Variants in OSBPL10 observed in about 807,000 individuals in gnomAD.
OSBPL10 encodes oxysterol binding protein like 10.
A neutral mutation model predicts 81.7 loss-of-function variants in OSBPL10; 49 were observed. That is an observed-to-expected ratio of 0.60 (90% CI 0.48 to 0.76). The LOEUF is 0.76. OSBPL10 is among the 30% of genes least tolerant of loss of function. The pLI is 0.00. For missense variants in OSBPL10, 923 were observed against 987.8 expected, an observed-to-expected ratio of 0.93 and a Z score of 0.88; for synonymous variants, 419 against 383.6, an observed-to-expected ratio of 1.09 and a Z score of -1.08.
intron 4 of OSBPL10, among the ~76,000 whole-genome samples, chr3:31,760,854 T>C (rs1698013172): frequency 1.3e-5 from 2 of 152,186 alleles, no homozygotes; most frequent in Non-Finnish European, 2.9e-5. Context: ...AACATTACGA[T>C]GATGTTTAAC....
chr3:31,793,892 A>C (rs1452261195), intron 4 of OSBPL10, among the ~76,000 whole-genome samples: 1 of 152,238 alleles, frequency 6.6e-6, no homozygotes, highest in Non-Finnish European at 1.5e-5. Flanking sequence ...AACAAATGAC[A>C]ATTAAAATAC....
At chr3:31,710,760 C>T in intron 6 of OSBPL10, 1 of 152,374 alleles carries the variant, frequency 6.6e-6, no homozygotes, top group Non-Finnish European at 1.5e-5. Context: ...TACTTGAGTT[C>T]TCCAGACCTA....
intron 4 of OSBPL10, among the ~76,000 whole-genome samples, chr3:31,797,296 A>G (rs748036199): frequency 3.3e-5 from 5 of 152,190 alleles, no homozygotes; most frequent in Non-Finnish European, 5.9e-5. Context: ...CCTGGCCACA[A>G]ATGATTTAAG....
intron 1 of OSBPL10, among the ~76,000 whole-genome samples, chr3:31,946,423 G>C (rs1697705798): frequency 6.7e-6 from 1 of 149,912 alleles, no homozygotes; most frequent in Non-Finnish European, 1.5e-5. Context: ...AAAAACCCTT[G>C]TATTAAGAAA....
chr3:31,863,241 G>A (rs1701100906), intron 3 of OSBPL10, among the ~76,000 whole-genome samples: 1 of 152,168 alleles, frequency 6.6e-6, no homozygotes, highest in South Asian at 2.1e-4. Flanking sequence ...GTGGTTAGTG[G>A]TTGCCAGGGG....
At position 31,726,398 on chromosome 3, in the gene OSBPL10, C is replaced by A. The variant is rs192991981; in HGVS notation, c.1095+6859G>T. 2.7e-4 allele frequency among the ~76,000 whole-genome samples: 41 copies of A among 152,124 alleles called. 1 individual carries two copies. In the East Asian group the frequency reaches 5.4e-3, roughly 20 times the overall value. ...GTGGCACGATCTCTGCTCACTGCAACCTCCGCCTCCCAGGTTCAAGCGATT... is the reference window on the plus strand; with the variant it reads ...GTGGCACGATCTCTGCTCACTGCAAACTCCGCCTCCCAGGTTCAAGCGATT... On this transcript the variant is annotated intron_variant, in intron 6 of 11. Coordinates refer to ENST00000396556, the MANE Select transcript of OSBPL10 (RefSeq NM_017784.5).
chr3:32,021,658 A>G (rs1282037063), intron 2 of OSBPL10, among the ~76,000 whole-genome samples: 1 of 152,132 alleles, frequency 6.6e-6, no homozygotes, highest in Non-Finnish European at 1.5e-5. Context: ...CTTCAAATCC[A>G]TTGCCCATTT....
At chr3:31,929,543 C>G (rs971534904) in intron 1 of OSBPL10, among the ~76,000 whole-genome samples, 7 of 151,762 alleles carry the variant, frequency 4.6e-5, no homozygotes, top group Admixed American at 4.6e-4. Context: ...GTCAGGAGAT[C>G]GAGACCATCC....
intron 1 of OSBPL10, among the ~76,000 whole-genome samples, chr3:32,054,566 C>G (rs965802919): frequency 1.0e-4 from 12 of 117,072 alleles, no homozygotes; most frequent in African/African-American, 3.8e-4. Flanking sequence ...GAGTCTCACT[C>G]TGTCACCCAG....
At chr3:31,777,223 G>C (rs1223868881) in intron 4 of OSBPL10, among the ~76,000 whole-genome samples, 1 of 152,292 alleles carries the variant, frequency 6.6e-6, no homozygotes, top group East Asian at 1.9e-4. Flanking sequence ...TCTTTGCCCA[G>C]CTCTGGATCA....
chr3:31,836,696 C>T (rs1296574802), intron 3 of OSBPL10, among the ~76,000 whole-genome samples: 2 of 152,128 alleles, frequency 1.3e-5, no homozygotes, highest in Non-Finnish European at 2.9e-5. Context: ...TCGCACACCA[C>T]CCTTTTTTCT....
intron 3 of OSBPL10, among the ~76,000 whole-genome samples, chr3:31,843,946 G>A (rs1700566189): frequency 1.3e-5 from 2 of 152,244 alleles, no homozygotes; most frequent in Admixed American, 1.3e-4. Context: ...TCTGAGCAGA[G>A]AGAGGGCAGA....
intron 2 of OSBPL10, among the ~76,000 whole-genome samples, chr3:32,035,865 A>G (rs898475508): frequency 6.6e-6 from 1 of 152,198 alleles, no homozygotes; most frequent in Non-Finnish European, 1.5e-5. Flanking sequence ...TCACATTCAC[A>G]TGGTGCAACC....
At chr3:31,816,903 G>C (rs1699849101) in intron 4 of OSBPL10, among the ~76,000 whole-genome samples, 2 of 152,062 alleles carry the variant, frequency 1.3e-5, no homozygotes, top group Admixed American at 1.3e-4. Context: ...AGAGAGAATA[G>C]CTCCTCTCTG....
chr3:31,799,665 G>C (rs1335421597), intron 4 of OSBPL10, among the ~76,000 whole-genome samples: 1 of 152,058 alleles, frequency 6.6e-6, no homozygotes, highest in East Asian at 1.9e-4. Context: ...TAACAAATAA[G>C]AAAATAAAGC....
At chr3:31,883,575 A>T (rs1575598331) in intron 1 of OSBPL10, among the ~76,000 whole-genome samples, 2 of 132,342 alleles carry the variant, frequency 1.5e-5, no homozygotes, top group African/African-American at 2.9e-5. Flanking sequence ...TTGCTCTGTT[A>T]GGCAGGACTG....
At chr3:31,731,592 G>T (rs774615803) in intron 6 of OSBPL10, among the ~76,000 whole-genome samples, 2 of 151,658 alleles carry the variant, frequency 1.3e-5, no homozygotes, top group Non-Finnish European at 2.9e-5. Context: ...GGGTTGAAGC[G>T]ATTCTCCTGC....
chr3:31,699,324 A>G (rs1695823944), intron 7 of OSBPL10, among the ~76,000 whole-genome samples: 2 of 152,182 alleles, frequency 1.3e-5, no homozygotes, highest in Admixed American at 1.3e-4. Context: ...CGTCCACTCC[A>G]GGTTCAATGG....
intron 5 of OSBPL10, among the ~76,000 whole-genome samples, chr3:31,739,045 T>C (rs940308732): frequency 2.0e-5 from 3 of 152,038 alleles, no homozygotes; most frequent in Non-Finnish European, 2.9e-5. Context: ...AAATCAGTCA[T>C]CAAGATAAAG....
Sources: allele counts gnomAD v4.1 joint callset (sites outside exome capture counted in the v4.1 genomes callset), GRCh38; gene constraint gnomAD v4.1.1; transcripts MANE v1.5; gene names NCBI Gene and HGNC (gene_info 2026-07-23, HGNC 2026-07-21).